TLE3: variants seen among roughly 807,000 people sequenced by gnomAD.
TLE3 encodes transducin-like enhancer protein 3.
A neutral mutation model predicts 93.0 loss-of-function variants in TLE3; 14 were observed. The observed-to-expected ratio is 0.15, with a 90% CI of 0.10 to 0.24. TLE3 has a LOEUF of 0.24. Ranked by LOEUF, TLE3 falls within the 10% of genes least tolerant of loss-of-function variation. TLE3 has a pLI of 1.00. For synonymous variants in TLE3, 451 were observed against 425.0 expected (o/e 1.06, Z -0.75); for missense variants, 693 against 1,046.6 (o/e 0.66, Z 4.66).
chr15:70,071,846 T>C (rs145071259), intron 6 of TLE3, among the ~76,000 whole-genome samples: 4 of 152,264 alleles, frequency 2.6e-5, no homozygotes, highest in African/African-American at 4.8e-5. Flanking sequence ...GCTCAGCCCA[T>C]GGCTCTGCAC....
rs367630540 is a variant in TLE3 at position 70,058,612 on chromosome 15, T to C, written c.918+51A>G. 1 of 1,528,680 alleles carries C rather than the reference T, an allele frequency of 6.5e-7. No individual in the cohort carries two copies. Among genetic ancestry groups the C allele is most frequent in the South Asian group, 1.2e-5 (1 of 80,280 alleles). The allele number at this position is 1,528,680 out of a possible 1,614,324, so 94.7% of individuals were successfully genotyped here. On this transcript the variant is annotated intron_variant, in intron 11 of 19. Coordinates refer to ENST00000451782, the MANE Select transcript of TLE3 (RefSeq NM_001105192.3). This position sits in a 1 kb window ranked among gnomAD's most constrained non-coding sequence, Gnocchi z 4.1. ...GCCTGCCAATCGGCACCACCCCAGC[T>C]CCAGTCCCTGCCGCTCCCTTCCCAC...
In TLE3 at chr15:70,058,104, C is replaced by T. The variant is rs370601230; in HGVS notation, c.1051+55G>A. ...GTGTCACCCCTGCCCTGGCCAAGAGCAGACCCCCTCCCCCCAATCAGATTA... is the reference window on the plus strand; with the variant it reads ...GTGTCACCCCTGCCCTGGCCAAGAGTAGACCCCCTCCCCCCAATCAGATTA... On this transcript the variant is annotated intron_variant, in intron 12 of 19. Transcript: ENST00000451782. The surrounding 1 kb of genome is among the most constrained non-coding windows in gnomAD (Gnocchi z 4.1). 51 of 1,612,146 alleles carry T rather than the reference C, an allele frequency of 3.2e-5. No individual in the cohort carries two copies. Among genetic ancestry groups the T allele is most frequent in the Admixed American group, 2.2e-4 (13 of 59,806 alleles).
intron 4 of TLE3, among the ~76,000 whole-genome samples, chr15:70,086,410 G>A (rs1282087854): frequency 6.6e-6 from 1 of 152,198 alleles, no homozygotes. Flanking sequence ...TTTGGGAAGT[G>A]GGTGAAAGGC....
chr15:70,058,185 C>G lies in TLE3; in HGVS notation c.1025G>C (p.Gly342Ala), dbSNP rs772469895. ...TATCGGGTCCATGCCCGGAGGTTTA[C>G]CCGGCATCGACCTGAGCCCTGGGGT... ...STTPGLRSMP[G>A]KPPGMDPIAS... is the part of the protein sequence containing the mutation. Residue 342 changes from glycine to alanine, a missense_variant, in exon 12 of 20, where the codon GGT (glycine) becomes GCT (alanine). Gly to Ala is a moderately conservative substitution (Grantham distance 60). Coordinates refer to ENST00000451782, the MANE Select transcript of TLE3 (RefSeq NM_001105192.3). The surrounding 1 kb of genome is among the most constrained non-coding windows in gnomAD (Gnocchi z 4.1). 6.2e-6 allele frequency: 10 copies of G among 1,613,890 alleles called. No homozygotes were observed. The highest frequency in any genetic ancestry group is 1.6e-4 in the Middle Eastern group (1 of 6,084).
chr15:70,095,976 C>T (rs2058537290), intron 2 of TLE3, 185 bp downstream of exon 2: 3 of 762,052 alleles, frequency 3.9e-6, no homozygotes, highest in Middle Eastern at 3.9e-4. Flanking sequence ...CGCTGGGAGC[C>T]GGGCTGCTGC....
intron 6 of TLE3, among the ~76,000 whole-genome samples, chr15:70,068,001 A>T (rs1456928270): frequency 6.6e-6 from 1 of 152,198 alleles, no homozygotes; most frequent in African/African-American, 2.4e-5. Context: ...AGCATCACAG[A>T]GTCCAATGCG....
chr15:70,071,309 A>C (rs2057144574), intron 6 of TLE3, among the ~76,000 whole-genome samples: 1 of 152,150 alleles, frequency 6.6e-6, no homozygotes. Flanking sequence ...AAGAGAGACA[A>C]TCTTCCACTT....
At position 70,050,084 on chromosome 15, in the gene TLE3, C is replaced by T. The variant is rs888595782; in HGVS notation, c.*13G>A. On this transcript the variant is annotated 3_prime_UTR_variant, in exon 20 of 20. Coordinates refer to ENST00000451782, the MANE Select transcript of TLE3 (RefSeq NM_001105192.3). Reference sequence around the variant, plus strand: ...TTTCTCCCAGAGTTTGACAGCCCTGCTGGAGTTCTTGTTTAGTAGATGACC... The same window carrying T: ...TTTCTCCCAGAGTTTGACAGCCCTGTTGGAGTTCTTGTTTAGTAGATGACC... The T allele has an allele frequency of 3.7e-6, 6 of 1,608,680 alleles. No homozygotes were observed. Among genetic ancestry groups the T allele is most frequent in the African/African-American group, 2.7e-5 (2 of 74,824 alleles).
intron 8 of TLE3, among the ~76,000 whole-genome samples, chr15:70,062,681 C>T (rs1413478918): frequency 6.6e-6 from 1 of 152,116 alleles, no homozygotes; most frequent in East Asian, 1.9e-4. Context: ...CCCCCTCCCA[C>T]TCTGACACAG....
At chr15:70,073,107 C>T (rs2057269144) in intron 6 of TLE3, among the ~76,000 whole-genome samples, 1 of 152,196 alleles carries the variant, frequency 6.6e-6, no homozygotes, top group African/African-American at 2.4e-5. Flanking sequence ...CTGCCTTCAT[C>T]AAAGGACTCT....
chr15:70,055,931 T>TGC (rs1416914897), intron 14 of TLE3: 14 of 375,774 alleles, frequency 3.7e-5, no homozygotes, highest in Non-Finnish European at 4.5e-5. Context: ...GGGAAGGGCC[T>TGC]GCGACCAGCG....
chr15:70,072,658 C>T (rs1424437682), intron 6 of TLE3, among the ~76,000 whole-genome samples: 2 of 152,206 alleles, frequency 1.3e-5, no homozygotes, highest in Non-Finnish European at 2.9e-5. Context: ...ATAATCACTT[C>T]CCCTCTCTGT....
chr15:70,055,568 T>C (rs1453267301), intron 14 of TLE3: 3 of 368,166 alleles, frequency 8.1e-6, no homozygotes, highest in Non-Finnish European at 9.6e-6. Flanking sequence ...GGAATGCCCT[T>C]TCCCACGATC....
chr15:70,091,092 C>T lies in TLE3; in HGVS notation c.234+3440G>A, dbSNP rs144690918. On this transcript the variant is annotated intron_variant, in intron 4 of 19. Transcript: ENST00000451782. ...ATGACTGAGTACATAAGCTTCCCTT[C>T]TCTGGGCCACCGTTTCCTCATCTGT... Among the ~76,000 whole-genome samples, 348 of 152,346 alleles carry T rather than the reference C, an allele frequency of 2.3e-3. 3 individuals are homozygous for T. The highest frequency in any genetic ancestry group is 8.2e-3 in the African/African-American group (339 of 41,580).
intron 6 of TLE3, among the ~76,000 whole-genome samples, chr15:70,072,676 G>C (rs915915235): frequency 1.2e-4 from 18 of 152,182 alleles, no homozygotes; most frequent in Non-Finnish European, 2.4e-4. Context: ...TGTAAAACAA[G>C]GGCATTGAGC....
chr15:70,094,849 T>C (rs1426876862), intron 3 of TLE3: 3 of 405,626 alleles, frequency 7.4e-6, no homozygotes, highest in Non-Finnish European at 1.3e-5. Flanking sequence ...TATATCCTGT[T>C]TATACAAGGT....
intron 4 of TLE3, among the ~76,000 whole-genome samples, chr15:70,093,584 G>A (rs997068417): frequency 1.3e-5 from 2 of 152,212 alleles, no homozygotes; most frequent in Non-Finnish European, 2.9e-5. Context: ...CCATTTATAC[G>A]TGCCAAGTCA....
intron 6 of TLE3, chr15:70,066,893 G>A: frequency 2.6e-6 from 1 of 380,268 alleles, no homozygotes. Flanking sequence ...CTAGCTGTGT[G>A]GCCTGGGGCA....
At chr15:70,068,060 C>T (rs974631075) in intron 6 of TLE3, among the ~76,000 whole-genome samples, 10 of 152,170 alleles carry the variant, frequency 6.6e-5, no homozygotes, top group African/African-American at 1.2e-4. Flanking sequence ...CTAGGATGGG[C>T]GCTTACTCTG....
Sources: gnomAD v4.1 joint callset for allele counts (sites outside exome capture counted in the v4.1 genomes callset) on GRCh38, gnomAD v4.1.1 for gene constraint, Gnocchi (gnomAD v3.1) non-coding constraint, MANE v1.5 for transcripts, NCBI Gene and HGNC (gene_info 2026-07-23, HGNC 2026-07-21) for gene names.